Variants in CNTN4 observed in about 807,000 individuals in gnomAD.
CNTN4 encodes the protein contactin-4.
CNTN4 carries 77 observed loss-of-function variants against 122.5 expected under a neutral mutation model. That is an observed-to-expected ratio of 0.63 (90% CI 0.52 to 0.76). CNTN4 has a LOEUF of 0.76. Ranked by LOEUF, CNTN4 falls within the 30% of genes least tolerant of loss-of-function variation. The pLI is 0.00. For missense variants in CNTN4, 1,256 were observed against 1,259.1 expected, an observed-to-expected ratio of 1.00 and a Z score of 0.04; for synonymous variants, 512 against 447.0, an observed-to-expected ratio of 1.15 and a Z score of -1.83.
intron 2 of CNTN4, among the ~76,000 whole-genome samples, chr3:2,120,405 A>ATATTTT (rs1428527983): frequency 4.6e-4 from 19 of 40,868 alleles, no homozygotes; most frequent in African/African-American, 1.2e-3. Context: ...ATATATATAT[A>ATATTTT]TTTTTTTTTT....
At chr3:2,759,164 C>CT (rs887565400) in intron 6 of CNTN4, among the ~76,000 whole-genome samples, 21 of 151,684 alleles carry the variant, frequency 1.4e-4, no homozygotes, top group South Asian at 6.2e-4. Context: ...TTTCTTTTTT[C>CT]TTTTTTTTGA....
At chr3:2,865,695 G>A (rs906442924) in intron 7 of CNTN4, among the ~76,000 whole-genome samples, 3 of 152,212 alleles carry the variant, frequency 2.0e-5, no homozygotes, top group South Asian at 4.1e-4. Flanking sequence ...GAGAGGAATC[G>A]TGGAATGCCT....
intron 13 of CNTN4, among the ~76,000 whole-genome samples, chr3:2,934,769 C>T (rs1014354652): frequency 1.3e-5 from 2 of 152,222 alleles, no homozygotes; most frequent in African/African-American, 4.8e-5. Context: ...CAGTTCATCT[C>T]CATAATAATG....
intron 6 of CNTN4, among the ~76,000 whole-genome samples, chr3:2,775,998 T>G (rs1443377260): frequency 6.6e-6 from 1 of 152,346 alleles, no homozygotes; most frequent in African/African-American, 2.4e-5. Context: ...CGCTTTGCAT[T>G]TTATACATAC....
intron 2 of CNTN4, among the ~76,000 whole-genome samples, chr3:2,221,213 T>G (rs1316827264): frequency 6.6e-6 from 1 of 152,114 alleles, no homozygotes; most frequent in African/African-American, 2.4e-5. Context: ...GGCCTTTCGT[T>G]GGAAGTTTGT....
At chr3:2,517,450 A>T (rs1371184467) in intron 3 of CNTN4, among the ~76,000 whole-genome samples, 2 of 152,060 alleles carry the variant, frequency 1.3e-5, no homozygotes, top group Non-Finnish European at 2.9e-5. Context: ...GTCCTAGGAG[A>T]TGGTGTGAGA....
chr3:2,567,372 C>A (rs1377298917), intron 3 of CNTN4, among the ~76,000 whole-genome samples: 1 of 111,582 alleles, frequency 9.0e-6, no homozygotes, highest in Non-Finnish European at 1.8e-5. Context: ...AGGCATGAGC[C>A]ACCGTGCCTG....
At chr3:2,161,446 G>T (rs903871272) in intron 2 of CNTN4, among the ~76,000 whole-genome samples, 19 of 152,152 alleles carry the variant, frequency 1.2e-4, no homozygotes, top group African/African-American at 4.6e-4. Context: ...ATAGAGTGGG[G>T]GCAGTGGAGG....
chr3:2,316,458 TA>T (rs1356231743), intron 2 of CNTN4, among the ~76,000 whole-genome samples: 1 of 152,158 alleles, frequency 6.6e-6, no homozygotes, highest in Non-Finnish European at 1.5e-5. Flanking sequence ...CTCAATTAGT[TA>T]ATTTATTGAA....
intron 5 of CNTN4, among the ~76,000 whole-genome samples, chr3:2,738,273 A>G (rs1005304663): frequency 6.6e-6 from 1 of 152,248 alleles, no homozygotes; most frequent in Non-Finnish European, 1.5e-5. Context: ...ATGACATTCA[A>G]AGAGATCACA....
At chr3:2,919,302 A>G (rs1429723178) in intron 12 of CNTN4, among the ~76,000 whole-genome samples, 1 of 149,508 alleles carries the variant, frequency 6.7e-6, no homozygotes, top group Non-Finnish European at 1.5e-5. Context: ...CAGTGAGCCA[A>G]GATTGCACCA....
At chr3:2,858,912 A>G (rs2093644960) in intron 7 of CNTN4, among the ~76,000 whole-genome samples, 1 of 152,176 alleles carries the variant, frequency 6.6e-6, no homozygotes, top group Non-Finnish European at 1.5e-5. Flanking sequence ...TTTCTATGGC[A>G]AGAACTTTGA....
intron 3 of CNTN4, among the ~76,000 whole-genome samples, chr3:2,508,878 G>T (rs953221663): frequency 4.6e-5 from 7 of 152,010 alleles, no homozygotes; most frequent in African/African-American, 1.7e-4. Flanking sequence ...GCATTTCCCA[G>T]ATTTAGATTT....
At chr3:2,450,051 G>A (rs1256262497) in intron 3 of CNTN4, among the ~76,000 whole-genome samples, 2 of 152,116 alleles carry the variant, frequency 1.3e-5, no homozygotes, top group Non-Finnish European at 2.9e-5. Flanking sequence ...TAACAGTACT[G>A]TATTGTCACT....
At chr3:2,449,863 T>G (rs1292664726) in intron 3 of CNTN4, among the ~76,000 whole-genome samples, 4 of 152,212 alleles carry the variant, frequency 2.6e-5, no homozygotes, top group Non-Finnish European at 5.9e-5. Context: ...AAATACTATA[T>G]GATTTCACTT....
chr3:2,901,704 T>A (rs1180975646), intron 11 of CNTN4, among the ~76,000 whole-genome samples: 1 of 152,140 alleles, frequency 6.6e-6, no homozygotes, highest in African/African-American at 2.4e-5. Context: ...TGCCAGGAAA[T>A]AAGGCTTTGT....
intron 3 of CNTN4, among the ~76,000 whole-genome samples, chr3:2,366,758 T>TA (rs1481095511): frequency 2.0e-5 from 3 of 150,452 alleles, no homozygotes; most frequent in African/African-American, 7.3e-5. Context: ...GTAATAATAA[T>TA]AATAAATAAA....
At position 3,041,764 on chromosome 3, in the gene CNTN4, C is replaced by T. The variant is rs1205303098; in HGVS notation, c.2399-546C>T. On this transcript the variant is annotated intron_variant, in intron 20 of 24. Coordinates refer to ENST00000418658, the MANE Select transcript of CNTN4 (RefSeq NM_175607.3). Reference sequence around the variant, plus strand: ...ATAGCATGAGCCTAGGAGTTTGAGACCAACCTGGGCAACATAGCAAGATCC... The same window carrying T: ...ATAGCATGAGCCTAGGAGTTTGAGATCAACCTGGGCAACATAGCAAGATCC... Among the ~76,000 whole-genome samples, 4 of 152,064 alleles carry T rather than the reference C, an allele frequency of 2.6e-5. No homozygotes were observed. The East Asian group carries it at 5.8e-4, about 22-fold the overall frequency.
At chr3:2,924,774 G>C (rs767550663) in intron 12 of CNTN4, among the ~76,000 whole-genome samples, 1 of 152,096 alleles carries the variant, frequency 6.6e-6, no homozygotes, top group Non-Finnish European at 1.5e-5. Context: ...ATTGCATTGG[G>C]CACTTGCAGT....
Sources: gnomAD v4.1 joint callset for allele counts (sites outside exome capture counted in the v4.1 genomes callset) on GRCh38, gnomAD v4.1.1 for gene constraint, MANE v1.5 for transcripts, NCBI Gene and HGNC (gene_info 2026-07-23, HGNC 2026-07-21) for gene names.